SKIC2: variants seen among roughly 807,000 people sequenced by gnomAD.
SKIC2 encodes SKI2 subunit of superkiller complex, also known as superkiller complex protein 2.
At chr6:31,967,153 T>A in the SKIC2 span, 1 of 1,608,450 alleles carries the variant, frequency 6.2e-7, no homozygotes, top group Non-Finnish European at 8.5e-7. The surrounding 1 kb of genome is among the most constrained non-coding windows in gnomAD (Gnocchi z 4.9). Flanking sequence ...TGAGCAAGTG[T>A]GAGTGCTGAG....
the SKIC2 span, chr6:31,961,081 C>T: frequency 2.3e-4 from 371 of 1,613,408 alleles, 2 homozygotes; most frequent in East Asian, 4.7e-3. Flanking sequence ...AAGGCATGGA[C>T]TTTGCACCAA....
the SKIC2 span, chr6:31,964,050 G>A: frequency 4.3e-6 from 7 of 1,612,550 alleles, no homozygotes; most frequent in South Asian, 1.1e-5. This position sits in a 1 kb window ranked among gnomAD's most constrained non-coding sequence, Gnocchi z 5.0. Flanking sequence ...CCACCAGTTC[G>A]GAGAAGAGCG....
At chr6:31,965,719 G>A in the SKIC2 span, 2 of 977,662 alleles carry the variant, frequency 2.0e-6, no homozygotes, top group Admixed American at 1.8e-5. The surrounding 1 kb of genome is among the most constrained non-coding windows in gnomAD (Gnocchi z 5.6). Flanking sequence ...GGTGGGCTTG[G>A]CCAGGGCTGG....
the SKIC2 span, chr6:31,960,381 G>C: frequency 1.9e-6 from 3 of 1,594,920 alleles, no homozygotes; most frequent in Non-Finnish European, 1.7e-6. Flanking sequence ...GAGAAGGGGA[G>C]GTGGTCAGAG....
At chr6:31,964,888 G>A in the SKIC2 span, among the ~76,000 whole-genome samples, 1 of 152,178 alleles carries the variant, frequency 6.6e-6, no homozygotes, top group Admixed American at 6.5e-5. This position sits in a 1 kb window ranked among gnomAD's most constrained non-coding sequence, Gnocchi z 5.0. Context: ...GGGAGGCTGA[G>A]GTGGGTGGAT....
At chr6:31,960,304 C>T in the SKIC2 span, 1 of 1,613,486 alleles carries the variant, frequency 6.2e-7, no homozygotes, top group Non-Finnish European at 8.5e-7. Context: ...CCCAAAGACA[C>T]CCAACCACAG....
the SKIC2 span, chr6:31,961,167 A>G: frequency 6.2e-7 from 1 of 1,612,630 alleles, no homozygotes; most frequent in South Asian, 1.1e-5. Flanking sequence ...TGGACATGAC[A>G]AGGTTGACCT....
the SKIC2 span, among the ~76,000 whole-genome samples, chr6:31,966,310 T>G: frequency 6.6e-6 from 1 of 152,076 alleles, no homozygotes; most frequent in Admixed American, 6.5e-5. The surrounding 1 kb of genome is among the most constrained non-coding windows in gnomAD (Gnocchi z 5.9). Context: ...TTTGCTATGT[T>G]GCACAGGTTG....
the SKIC2 span, chr6:31,967,686 CCT>C: frequency 3.7e-6 from 6 of 1,611,120 alleles, no homozygotes; most frequent in Non-Finnish European, 5.1e-6. The surrounding 1 kb of genome is among the most constrained non-coding windows in gnomAD (Gnocchi z 4.9). Flanking sequence ...ATCACACCCC[CCT>C]CTCCTGGCCT....
the SKIC2 span, chr6:31,967,685 C>G: frequency 6.2e-7 from 1 of 1,611,152 alleles, no homozygotes; most frequent in African/African-American, 1.3e-5. This position sits in a 1 kb window ranked among gnomAD's most constrained non-coding sequence, Gnocchi z 4.9. Flanking sequence ...CATCACACCC[C>G]CCTCTCCTGG....
At chr6:31,961,210 G>A in the SKIC2 span, 5 of 1,614,144 alleles carry the variant, frequency 3.1e-6, no homozygotes, top group East Asian at 1.1e-4. Flanking sequence ...TCCAACTCCA[G>A]CTCCTGGACT....
the SKIC2 span, chr6:31,966,974 C>G: frequency 3.7e-6 from 6 of 1,612,972 alleles, no homozygotes; most frequent in African/African-American, 6.7e-5. This position sits in a 1 kb window ranked among gnomAD's most constrained non-coding sequence, Gnocchi z 5.9. Flanking sequence ...GGAGACTCCC[C>G]TTTCACAGCT....
the SKIC2 span, chr6:31,967,577 C>T: frequency 1.0e-6 from 1 of 987,582 alleles, no homozygotes; most frequent in African/African-American, 1.6e-5. The surrounding 1 kb of genome is among the most constrained non-coding windows in gnomAD (Gnocchi z 4.9). Flanking sequence ...GCTCTGATCG[C>T]TTGACTTGGT....
At chr6:31,967,373 T>C in the SKIC2 span, 1 of 1,609,276 alleles carries the variant, frequency 6.2e-7, no homozygotes. The surrounding 1 kb of genome is among the most constrained non-coding windows in gnomAD (Gnocchi z 4.9). Flanking sequence ...GGAGTGATCC[T>C]ACAGGTGAGG....
chr6:31,960,662 C>T, the SKIC2 span: 1 of 1,589,526 alleles, frequency 6.3e-7, no homozygotes, highest in Non-Finnish European at 8.6e-7. Flanking sequence ...CTGTCTCTTC[C>T]CAGGGGGGAT....
the SKIC2 span, chr6:31,961,137 C>T: frequency 1.2e-6 from 2 of 1,610,494 alleles, no homozygotes; most frequent in South Asian, 1.1e-5. Flanking sequence ...AAGTCATGTC[C>T]TTCTCCTAAG....
the SKIC2 span, chr6:31,960,781 C>A: frequency 1.4e-6 from 2 of 1,428,542 alleles, no homozygotes; most frequent in South Asian, 1.4e-5. Context: ...GGAGGAAGAG[C>A]CCAGGCTATC....
the SKIC2 span, chr6:31,961,654 C>T: frequency 1.2e-6 from 2 of 1,612,710 alleles, no homozygotes; most frequent in Non-Finnish European, 8.5e-7. Context: ...TCTATCGCCT[C>T]ATTCCCCAGC....
the SKIC2 span, chr6:31,960,536 C>T: frequency 1.9e-6 from 3 of 1,611,532 alleles, no homozygotes; most frequent in Non-Finnish European, 2.5e-6. Context: ...CTCAGTATCC[C>T]TTCTGGCCAG....
Sources: allele counts gnomAD v4.1 joint callset (sites outside exome capture counted in the v4.1 genomes callset), GRCh38; gene constraint gnomAD v4.1.1; non-coding constraint Gnocchi (gnomAD v3.1); transcripts MANE v1.5; gene names NCBI Gene and HGNC (gene_info 2026-07-23, HGNC 2026-07-21).